KIAA0408: variants seen among roughly 807,000 people sequenced by gnomAD.
KIAA0408 encodes uncharacterized protein KIAA0408.
In KIAA0408, 51 loss-of-function variants were observed where a neutral mutation model predicts 60.9. The ratio of observed to expected loss-of-function variants is 0.84; its 90% CI spans 0.67 to 1.06. The LOEUF is 1.06. Ranked by LOEUF, KIAA0408 falls within the 50% of genes least tolerant of loss-of-function variation. The pLI is 0.00. For missense variants in KIAA0408, 787 were observed against 833.9 expected (o/e 0.94, Z 0.69); for synonymous variants, 304 against 282.4 (o/e 1.08, Z -0.77).
intron 5 of KIAA0408, 89 bp from the exon 6 acceptor site, chr6:127,444,371 G>A (rs568318426): frequency 3.0e-5 from 29 of 978,174 alleles, no homozygotes; most frequent in South Asian, 7.8e-5. Flanking sequence ...AGATTAGTCC[G>A]TTAGTAAATT....
At position 127,441,709 on chromosome 6, in the gene KIAA0408, T is replaced by C. The variant is rs1773110401; in HGVS notation, c.*2400A>G. On this transcript the variant is annotated 3_prime_UTR_variant, in exon 6 of 6. Transcript: ENST00000483725. ...TTAAAAATCACAAAACATCAAAAAC[T>C]ATTTTCAAGGATTATTTCCATTTAC... 1 of 152,136 alleles carries C rather than the reference T, an allele frequency of 6.6e-6. No individual in the cohort carries two copies. Among genetic ancestry groups the C allele is most frequent in the Admixed American group, 6.5e-5 (1 of 15,276 alleles). 9.4% of individuals were successfully genotyped at this position (152,136 alleles called of 1,614,324 possible). A position where few individuals can be genotyped will look rare whatever the true frequency, so the allele number is the denominator to read the frequency against.
In KIAA0408 at chr6:127,440,462, C is replaced by T. The variant is rs1773087574; in HGVS notation, c.*3647G>A. ...GCCTCAGCCTCCCGAGCAGCTGGGACTACAGGTGACCACCACAATGCCTGG... is the reference window on the plus strand; with the variant it reads ...GCCTCAGCCTCCCGAGCAGCTGGGATTACAGGTGACCACCACAATGCCTGG... On this transcript the variant is annotated 3_prime_UTR_variant, in exon 6 of 6. Transcript: ENST00000483725. 6.6e-6 allele frequency: 1 copy of T among 151,820 alleles called. No individual in the cohort carries two copies. Among genetic ancestry groups the T allele is most frequent in the Non-Finnish European group, 1.5e-5 (1 of 68,068 alleles). 9.4% of individuals were successfully genotyped at this position (151,820 alleles called of 1,614,324 possible). A position where few individuals can be genotyped will look rare whatever the true frequency, so the allele number is the denominator to read the frequency against.
At position 127,453,987 on chromosome 6, in the gene KIAA0408, C is replaced by G; in HGVS notation, c.-6G>C. 3.1e-6 allele frequency: 5 copies of G among 1,611,244 alleles called. No individual in the cohort carries two copies. The highest frequency in any genetic ancestry group is 1.3e-5 in the African/African-American group (1 of 74,918). On this transcript the variant is annotated 5_prime_UTR_variant, in exon 2 of 6. Transcript: ENST00000483725. ...CACTGCTTATGTAGGTCCATGGCAA[C>G]AGTGTAAGTGTCAGCAAAGAAGTGT...
At position 127,449,149 on chromosome 6, in the gene KIAA0408, TA is replaced by T. The variant is rs1773253840; in HGVS notation, c.578+672del. ...CCACACTGTTAATTCTGACATCGTT[TA>T]ATGATACGTTTAACTGAATTAGCCC... On this transcript the variant is annotated intron_variant, in intron 4 of 5. Transcript: ENST00000483725. Among the ~76,000 whole-genome samples the T allele has an allele frequency of 4.6e-5, 7 of 152,208 alleles. No homozygotes were observed. In the South Asian group the frequency reaches 1.4e-3, roughly 32 times the overall value.
intron 4 of KIAA0408, among the ~76,000 whole-genome samples, chr6:127,448,842 C>G (rs905621026): frequency 2.6e-5 from 4 of 151,976 alleles, no homozygotes; most frequent in African/African-American, 9.7e-5. Flanking sequence ...GCCTACTGAC[C>G]CACGAGGAGA....
rs983869576 is a variant in KIAA0408, at chr6:127,441,821, A to G, written c.*2288T>C. The G allele has an allele frequency of 5.9e-5, 9 of 152,230 alleles. No individual in the cohort carries two copies. The highest frequency in any genetic ancestry group is 1.2e-4 in the Non-Finnish European group (8 of 68,028). The allele number at this position is 152,230 out of a possible 1,614,324, so 9.4% of individuals were successfully genotyped here. ...ATAACCTTAGTTTTTCAGTTTTACA[A>G]TCAAGGAGTTGGACTAGATGCTATT... On this transcript the variant is annotated 3_prime_UTR_variant, in exon 6 of 6. Coordinates refer to ENST00000483725, the MANE Select transcript of KIAA0408 (RefSeq NM_014702.5).
chr6:127,451,254 A>G (rs750683201), intron 2 of KIAA0408: 3 of 454,314 alleles, frequency 6.6e-6, no homozygotes, highest in Non-Finnish European at 1.3e-5. Context: ...CAAGTAATAT[A>G]ATAGATTTAT....
chr6:127,448,826 T>A (rs1193488211), intron 4 of KIAA0408, among the ~76,000 whole-genome samples: 1 of 152,148 alleles, frequency 6.6e-6, no homozygotes, highest in Non-Finnish European at 1.5e-5. Flanking sequence ...TAAGGGAATG[T>A]AGGAAGCCTA....
In KIAA0408 at chr6:127,446,809, G is replaced by T; in HGVS notation, c.1510C>A (p.Pro504Thr). Residue 504 changes from proline (P) to threonine (T), a missense_variant, in exon 5 of 6, where the codon CCC becomes ACC. Physicochemically the swap from Pro to Thr is conservative, Grantham distance 38. Coordinates refer to ENST00000483725, the MANE Select transcript of KIAA0408 (RefSeq NM_014702.5). ...GGATTATCAGGCACATTTTCCATGG[G>T]CACAGGCATGTGGGCATTGGTTTTC... ...IWKTNAHMPVPMENVPDNPTK... is the reference protein window; with the variant it reads ...IWKTNAHMPVTMENVPDNPTK... The T allele has an allele frequency of 6.2e-7, 1 of 1,613,986 alleles. No homozygotes were observed. The highest frequency in any genetic ancestry group is 8.5e-7 in the Non-Finnish European group (1 of 1,179,980).
chr6:127,454,273 T>G, intron 1 of KIAA0408, 172 bp from the exon 2 acceptor site: 1 of 542,284 alleles, frequency 1.8e-6, no homozygotes. Context: ...AATAAAGTAA[T>G]AAGTATTGTC....
rs756908771 is a variant in KIAA0408 at position 127,449,981 on chromosome 6, C to G, written c.498+9G>C. 3 of 1,613,794 alleles carry G rather than the reference C, an allele frequency of 1.9e-6. No homozygotes were observed. In the Admixed American group the frequency reaches 5.0e-5, roughly 27 times the overall value. On this transcript the variant is annotated intron_variant, in intron 3 of 5. Transcript: ENST00000483725. The stretch of plus-strand genomic sequence containing the variant: ...AGAAACAGTTCTAGGCCAATCACAT[C>G]TTACTTACTGTACTGAGGGCGCCAG...
rs1029139835 is a variant in KIAA0408, at chr6:127,441,791, T to C, written c.*2318A>G. The C allele has an allele frequency of 6.6e-6, 1 of 152,172 alleles. No homozygotes were observed. The highest frequency in any genetic ancestry group is 1.5e-5 in the Non-Finnish European group (1 of 68,024). 9.4% of individuals were successfully genotyped at this position (152,172 alleles called of 1,614,324 possible). On this transcript the variant is annotated 3_prime_UTR_variant, in exon 6 of 6. Coordinates refer to ENST00000483725, the MANE Select transcript of KIAA0408 (RefSeq NM_014702.5). ...ATATTTAAAAAGAGAAAACAGAACATTCAAATAACCTTAGTTTTTCAGTTT... is the reference window on the plus strand; with the variant it reads ...ATATTTAAAAAGAGAAAACAGAACACTCAAATAACCTTAGTTTTTCAGTTT...
At chr6:127,458,345 AT>A (rs1220786003) in intron 1 of KIAA0408, among the ~76,000 whole-genome samples, 1 of 152,140 alleles carries the variant, frequency 6.6e-6, no homozygotes, top group Non-Finnish European at 1.5e-5. Context: ...TAAAAGGGAA[AT>A]TTTTTTCATT....
chr6:127,441,571 T>A lies in KIAA0408; in HGVS notation c.*2538A>T, dbSNP rs895215865. ...GAAAACATCTATTAATATATGTTTT[T>A]AAATCAAATATTTCCAGAAATGCTT... On this transcript the variant is annotated 3_prime_UTR_variant, in exon 6 of 6. Coordinates refer to ENST00000483725, the MANE Select transcript of KIAA0408 (RefSeq NM_014702.5). 3 of 152,210 alleles carry A rather than the reference T, an allele frequency of 2.0e-5. No individual in the cohort carries two copies. The highest frequency in any genetic ancestry group is 7.2e-5 in the African/African-American group (3 of 41,444). 9.4% of individuals were successfully genotyped at this position (152,210 alleles called of 1,614,324 possible).
intron 2 of KIAA0408, 26 bp downstream of exon 2, chr6:127,453,821 T>A (rs769456667): frequency 3.7e-6 from 6 of 1,606,088 alleles, no homozygotes; most frequent in Non-Finnish European, 5.1e-6. Context: ...AACATTACAG[T>A]ATATCCAAAA....
chr6:127,454,029 C>T lies in KIAA0408; in HGVS notation c.-48G>A, dbSNP rs766947416. 3 of 1,551,330 alleles carry T rather than the reference C, an allele frequency of 1.9e-6. No homozygotes were observed. The highest frequency in any genetic ancestry group is 2.8e-5 in the African/African-American group (2 of 72,400). ...AAGAAGTGTTTCTGCTCTTCTCTGC[C>T]TCCTCTTAACTGTTTCTTGGAAGCT... On this transcript the variant is annotated 5_prime_UTR_variant, in exon 2 of 6. Transcript: ENST00000483725.
chr6:127,446,177 T>C (rs1259740893), intron 5 of KIAA0408, among the ~76,000 whole-genome samples: 1 of 152,220 alleles, frequency 6.6e-6, no homozygotes, highest in Non-Finnish European at 1.5e-5. Flanking sequence ...ACTGTATTTA[T>C]GTTATCCCAT....
At chr6:127,453,150 A>G (rs1389311047) in intron 2 of KIAA0408, among the ~76,000 whole-genome samples, 1 of 152,150 alleles carries the variant, frequency 6.6e-6, no homozygotes, top group Non-Finnish European at 1.5e-5. Flanking sequence ...CAAGATAAGC[A>G]TAAATTATTT....
intron 1 of KIAA0408, among the ~76,000 whole-genome samples, chr6:127,458,045 A>T (rs1025383603): frequency 6.6e-6 from 1 of 152,244 alleles, no homozygotes; most frequent in African/African-American, 2.4e-5. Context: ...AAGAGGTTAC[A>T]TATTCCAATA....
Sources: gnomAD v4.1 joint callset for allele counts (sites outside exome capture counted in the v4.1 genomes callset) on GRCh38, gnomAD v4.1.1 for gene constraint, MANE v1.5 for transcripts, NCBI Gene and HGNC (gene_info 2026-07-23, HGNC 2026-07-21) for gene names.